The following FSTL4 variants were observed in gnomAD, a reference collection of about 807,000 sequenced individuals.
FSTL4 encodes the protein follistatin-related protein 4.
In FSTL4, 28 loss-of-function variants were observed where a neutral mutation model predicts 78.2. The observed-to-expected ratio is 0.36, with a 90% CI of 0.27 to 0.49. The LOEUF (loss-of-function observed/expected upper bound fraction) is 0.49, where lower values mean the gene tolerates loss of function less well. Ranked by LOEUF, FSTL4 falls within the 20% of genes least tolerant of loss-of-function variation. FSTL4 has a pLI of 0.98. For missense variants in FSTL4, 922 were observed against 1,084.9 expected (o/e 0.85, Z 2.11); for synonymous variants, 422 against 440.5 (o/e 0.96, Z 0.53).
chr5:133,688,272 GCGTGGTGAAGTATGC>G, the FSTL4 span, among the ~76,000 whole-genome samples: 1 of 152,154 alleles, frequency 6.6e-6, no homozygotes, highest in African/African-American at 2.4e-5. Context: ...AATTAGCCAG[GCGTGGTGAAGTATGC>G]CTGTAGTCCC....
chr5:133,725,027 A>G, the FSTL4 span, among the ~76,000 whole-genome samples: 1 of 152,176 alleles, frequency 6.6e-6, no homozygotes, highest in Non-Finnish European at 1.5e-5. Flanking sequence ...TTGGCCACCT[A>G]TGTAAGGGAG....
intron 14 of FSTL4, 62 bp downstream of exon 14, chr5:133,210,129 T>C (rs1369434439): frequency 1.2e-6 from 1 of 865,610 alleles, no homozygotes; most frequent in Non-Finnish European, 1.9e-6. Flanking sequence ...ATACTTATTT[T>C]ATAGGGAGAG....
intron 8 of FSTL4, among the ~76,000 whole-genome samples, chr5:133,229,338 G>A (rs544462121): frequency 1.3e-5 from 2 of 152,182 alleles, no homozygotes; most frequent in Middle Eastern, 3.4e-3. Flanking sequence ...CCTGGGCAAC[G>A]TTGTGAAACC....
intron 3 of FSTL4, among the ~76,000 whole-genome samples, chr5:133,463,215 T>C (rs931882386): frequency 2.6e-5 from 4 of 152,194 alleles, no homozygotes; most frequent in Non-Finnish European, 5.9e-5. Flanking sequence ...GTCAGGCTTT[T>C]TTGAGCCCTC....
At chr5:133,811,345 C>G in the FSTL4 span, among the ~76,000 whole-genome samples, 1 of 152,258 alleles carries the variant, frequency 6.6e-6, no homozygotes. Flanking sequence ...TCTCCCTGCC[C>G]TTCAAGGCTT....
intron 7 of FSTL4, among the ~76,000 whole-genome samples, chr5:133,235,084 T>C (rs1255754530): frequency 6.6e-6 from 1 of 151,960 alleles, no homozygotes; most frequent in Non-Finnish European, 1.5e-5. Flanking sequence ...GCTCCCTGGG[T>C]CCTCCGCTGA....
chr5:133,340,556 C>G (rs955687007), intron 4 of FSTL4, among the ~76,000 whole-genome samples: 1 of 152,188 alleles, frequency 6.6e-6, no homozygotes, highest in African/African-American at 2.4e-5. Context: ...TGCACACCCA[C>G]TAATAAATAC....
intron 4 of FSTL4, among the ~76,000 whole-genome samples, chr5:133,329,212 G>A (rs761824123): frequency 3.9e-5 from 6 of 152,132 alleles, no homozygotes; most frequent in Non-Finnish European, 7.3e-5. Flanking sequence ...CCCAAGAGGC[G>A]TTTTGGAATT....
the FSTL4 span, among the ~76,000 whole-genome samples, chr5:133,825,930 G>A: frequency 6.6e-6 from 1 of 152,166 alleles, no homozygotes; most frequent in Non-Finnish European, 1.5e-5. Context: ...ACCCATCCCC[G>A]GCTGCTATTT....
At chr5:133,484,858 G>A (rs751536557) in intron 3 of FSTL4, among the ~76,000 whole-genome samples, 3 of 152,208 alleles carry the variant, frequency 2.0e-5, no homozygotes, top group Non-Finnish European at 4.4e-5. Flanking sequence ...CATAGAATTA[G>A]TTGAGATCGT....
At chr5:133,732,375 C>A in the FSTL4 span, among the ~76,000 whole-genome samples, 8 of 152,122 alleles carry the variant, frequency 5.3e-5, no homozygotes, top group Non-Finnish European at 1.5e-5. Flanking sequence ...AGACACTGGG[C>A]AGAACCAGAG....
chr5:133,370,812 A>C (rs1214573099), intron 4 of FSTL4, among the ~76,000 whole-genome samples: 1 of 152,048 alleles, frequency 6.6e-6, no homozygotes, highest in South Asian at 2.1e-4. Flanking sequence ...GAGAAGAAGG[A>C]AAGAAAGCCA....
At position 133,567,226 on chromosome 5, in the gene FSTL4, G is replaced by A. The variant is rs963023074; in HGVS notation, c.127-7C>T. ...CTTCAAAGCTTCTGGGCTCCTGCAAGAAAAGAAAGACTTTGTGTTTTCTGA... is the reference window on the plus strand; with the variant it reads ...CTTCAAAGCTTCTGGGCTCCTGCAAAAAAAGAAAGACTTTGTGTTTTCTGA... On this transcript the variant is annotated splice_region_variant and splice_polypyrimidine_tract_variant and intron_variant, in intron 2 of 15. Transcript: ENST00000265342. The A allele has an allele frequency of 6.2e-7, 1 of 1,603,506 alleles. No homozygotes were observed. Among genetic ancestry groups the A allele is most frequent in the Non-Finnish European group, 8.5e-7 (1 of 1,170,448 alleles).
chr5:133,524,411 AC>A (rs1759047378), intron 3 of FSTL4, among the ~76,000 whole-genome samples: 5 of 152,212 alleles, frequency 3.3e-5, no homozygotes, highest in Admixed American at 6.5e-5. Context: ...AGCCAGAGTC[AC>A]AGCCTCTGGC....
chr5:133,488,326 C>G (rs1472886738), intron 3 of FSTL4, among the ~76,000 whole-genome samples: 1 of 152,218 alleles, frequency 6.6e-6, no homozygotes, highest in African/African-American at 2.4e-5. Context: ...ACAATCTCTG[C>G]TCACTGCAAC....
At chr5:133,265,120 G>C (rs1037606906) in intron 6 of FSTL4, among the ~76,000 whole-genome samples, 3 of 152,068 alleles carry the variant, frequency 2.0e-5, no homozygotes, top group African/African-American at 7.2e-5. Context: ...GCTGGCCATA[G>C]GGTGGGTCTG....
chr5:133,592,886 T>C (rs1760661295), intron 2 of FSTL4, among the ~76,000 whole-genome samples: 1 of 152,154 alleles, frequency 6.6e-6, no homozygotes, highest in South Asian at 2.1e-4. Flanking sequence ...ATGAGTCAAA[T>C]AAACTTACTT....
At chr5:133,728,517 T>C in the FSTL4 span, among the ~76,000 whole-genome samples, 1 of 152,212 alleles carries the variant, frequency 6.6e-6, no homozygotes, top group African/African-American at 2.4e-5. Context: ...TCATGCTTCC[T>C]AAAGAAGACA....
chr5:133,547,782 G>A (rs466895), intron 3 of FSTL4, among the ~76,000 whole-genome samples: 59,136 of 151,936 alleles, frequency 0.39, 11,657 homozygotes, highest in African/African-American at 0.42. Flanking sequence ...CTGAGCCTCT[G>A]GAATCATGAC....
Sources: gnomAD v4.1 joint callset for allele counts (sites outside exome capture counted in the v4.1 genomes callset) on GRCh38, gnomAD v4.1.1 for gene constraint, MANE v1.5 for transcripts, NCBI Gene and HGNC (gene_info 2026-07-23, HGNC 2026-07-21) for gene names.